Variants in KAZN observed in about 807,000 individuals in gnomAD.
KAZN encodes kazrin.
A neutral mutation model predicts 87.4 loss-of-function variants in KAZN; 40 were observed. That is an observed-to-expected ratio of 0.46 (90% CI 0.36 to 0.60). The LOEUF is 0.60. Among genes scored for constraint, KAZN ranks in the 20% least tolerant of loss-of-function variants. The pLI, the probability that KAZN is intolerant of heterozygous loss-of-function variation, is 0.00. For missense variants in KAZN, 898 were observed against 1,073.9 expected, an observed-to-expected ratio of 0.84 and a Z score of 2.29; for synonymous variants, 466 against 458.3, an observed-to-expected ratio of 1.02 and a Z score of -0.22.
intron 1 of KAZN, among the ~76,000 whole-genome samples, chr1:14,107,268 C>T (rs1192737680): frequency 6.6e-6 from 1 of 151,736 alleles, no homozygotes; most frequent in African/African-American, 2.4e-5. Context: ...AATTCAGCCC[C>T]TGGATCCAGT....
chr1:14,759,345 G>A (rs1158922098), intron 1 of KAZN, among the ~76,000 whole-genome samples: 2 of 152,144 alleles, frequency 1.3e-5, no homozygotes, highest in Admixed American at 1.3e-4. Context: ...CACTGTCCAC[G>A]GAAGGTTGTT....
At chr1:14,613,503 T>C (rs1021411889) in intron 1 of KAZN, among the ~76,000 whole-genome samples, 1 of 152,324 alleles carries the variant, frequency 6.6e-6, no homozygotes, top group Admixed American at 6.5e-5. Flanking sequence ...GTGTTTTTAA[T>C]GAAGAGAGAA....
chr1:14,399,221 T>G (rs1193759351), intron 2 of KAZN, among the ~76,000 whole-genome samples: 1 of 152,002 alleles, frequency 6.6e-6, no homozygotes, highest in African/African-American at 2.4e-5. Flanking sequence ...CTCACTATGT[T>G]GCGCAGGCTG....
intron 1 of KAZN, among the ~76,000 whole-genome samples, chr1:13,909,003 TCG>T: frequency 6.6e-6 from 1 of 152,168 alleles, no homozygotes; most frequent in South Asian, 2.1e-4. Context: ...CCTCTTCTCC[TCG>T]CTTCTTGGTA....
At chr1:14,237,961 T>C (rs1648579587) in intron 2 of KAZN, among the ~76,000 whole-genome samples, 1 of 152,216 alleles carries the variant, frequency 6.6e-6, no homozygotes, top group Admixed American at 6.5e-5. Flanking sequence ...ACTTTCGGCC[T>C]TTCTTCTTTT....
At chr1:14,212,364 A>C (rs1450588187) in intron 2 of KAZN, among the ~76,000 whole-genome samples, 1 of 152,168 alleles carries the variant, frequency 6.6e-6, no homozygotes, top group Non-Finnish European at 1.5e-5. Context: ...GAGAGAAATT[A>C]TGCTAAGTGA....
In KAZN at chr1:14,698,772, G is replaced by A. The variant is rs115107023; in HGVS notation, c.226+99549G>A. Among the ~76,000 whole-genome samples, 186 of 152,358 alleles carry A rather than the reference G, an allele frequency of 1.2e-3. 1 individual carries two copies. The highest frequency in any genetic ancestry group is 4.2e-3 in the African/African-American group (174 of 41,588). ...AGAACCCTGAATGGATTAAAAGCAT[G>A]GGTGGGAAAAGTTTGCTGAATTAAA... On this transcript the variant is annotated intron_variant, in intron 1 of 14. Coordinates refer to ENST00000376030, the MANE Select transcript of KAZN (RefSeq NM_201628.3).
chr1:14,201,181 T>C (rs1646631427), intron 2 of KAZN, among the ~76,000 whole-genome samples: 1 of 152,238 alleles, frequency 6.6e-6, no homozygotes, highest in Admixed American at 6.5e-5. Context: ...CAGACATTTC[T>C]TTTGAGCCAT....
At chr1:13,910,923 C>T (rs1011009123) in intron 1 of KAZN, among the ~76,000 whole-genome samples, 5 of 151,888 alleles carry the variant, frequency 3.3e-5, no homozygotes, top group South Asian at 4.2e-4. Context: ...GGAAGCATGG[C>T]GTCTTCTGTT....
At chr1:14,906,640 C>A (rs1461491580) in intron 1 of KAZN, among the ~76,000 whole-genome samples, 1 of 151,706 alleles carries the variant, frequency 6.6e-6, no homozygotes, top group African/African-American at 2.4e-5. Context: ...TAGAAAAGCA[C>A]AAATGATCTG....
At chr1:14,493,139 T>C (rs959395128) in intron 2 of KAZN, among the ~76,000 whole-genome samples, 1 of 152,132 alleles carries the variant, frequency 6.6e-6, no homozygotes, top group Non-Finnish European at 1.5e-5. Context: ...ACCTGATCCT[T>C]CGGCCCTTTG....
At chr1:14,828,740 C>T (rs7555453) in intron 1 of KAZN, among the ~76,000 whole-genome samples, 20,948 of 152,120 alleles carry the variant, frequency 0.14, 2,743 homozygotes, top group African/African-American at 0.35. Flanking sequence ...TAGCACTGGA[C>T]GGGTACAACA....
Position 14,440,300 on chromosome 1 carries a change from G to A in KAZN, c.250-158683G>A, listed in dbSNP as rs183774009. On this transcript the variant is annotated intron_variant, in intron 2 of 16. Coordinates refer to the KAZN transcript ENST00000636203. The stretch of plus-strand genomic sequence containing the variant: ...AACTCCTCTCCGTAAATTACCTGGC[G>A]GAGGATTCCAGTCCTCCGTGGGTTG... Among the ~76,000 whole-genome samples the A allele has an allele frequency of 1.7e-4, 26 of 152,312 alleles. No individual in the cohort carries two copies. The East Asian group carries it at 2.1e-3, about 12-fold the overall frequency.
At chr1:15,036,288 CTCTG>C (rs1672286086) in intron 3 of KAZN, among the ~76,000 whole-genome samples, 43 of 148,000 alleles carry the variant, frequency 2.9e-4, no homozygotes, top group Non-Finnish European at 3.9e-4. Flanking sequence ...ACCCAGCTCC[CTCTG>C]CCCTGCCCGC....
intron 1 of KAZN, among the ~76,000 whole-genome samples, chr1:14,637,960 C>T (rs2148669954): frequency 6.6e-6 from 1 of 152,194 alleles, no homozygotes; most frequent in Non-Finnish European, 1.5e-5. Context: ...GACTATCCCA[C>T]ACCTCTCTCC....
chr1:15,037,557 A>T (rs1672462835), intron 3 of KAZN, among the ~76,000 whole-genome samples: 1 of 152,088 alleles, frequency 6.6e-6, no homozygotes. Context: ...ATGGAAAGCA[A>T]GGGGGGTAGG....
At chr1:14,285,743 A>T (rs1476177229) in intron 2 of KAZN, among the ~76,000 whole-genome samples, 1 of 152,202 alleles carries the variant, frequency 6.6e-6, no homozygotes, top group Non-Finnish European at 1.5e-5. Flanking sequence ...TCTTGAGCCA[A>T]GGTGCCTTCA....
At chr1:14,990,159 A>G (rs757311157) in intron 2 of KAZN, among the ~76,000 whole-genome samples, 8 of 152,188 alleles carry the variant, frequency 5.3e-5, no homozygotes, top group Non-Finnish European at 8.8e-5. Flanking sequence ...AAGGGAAGGG[A>G]TCAGCAAACT....
chr1:14,482,000 G>C (rs999358161), intron 2 of KAZN, among the ~76,000 whole-genome samples: 1 of 152,232 alleles, frequency 6.6e-6, no homozygotes, highest in African/African-American at 2.4e-5. Flanking sequence ...GCTCAGAGTG[G>C]CTTAGGGACA....
Sources: allele counts gnomAD v4.1 joint callset (sites outside exome capture counted in the v4.1 genomes callset), GRCh38; gene constraint gnomAD v4.1.1; transcripts MANE v1.5; gene names NCBI Gene and HGNC (gene_info 2026-07-23, HGNC 2026-07-21).